The following RGS6 variants were observed in gnomAD, a reference collection of about 807,000 sequenced individuals.
RGS6 encodes the protein regulator of G-protein signaling 6.
In RGS6, 30 loss-of-function variants were observed where a neutral mutation model predicts 78.5. That is an observed-to-expected ratio of 0.38 (90% CI 0.29 to 0.52). The LOEUF is 0.52. Among genes scored for constraint, RGS6 ranks in the 20% least tolerant of loss-of-function variants. RGS6 has a pLI of 0.85. For synonymous variants in RGS6, 206 were observed against 206.0 expected, an observed-to-expected ratio of 1.00 and a Z score of 0.00; for missense variants, 495 against 609.7, an observed-to-expected ratio of 0.81 and a Z score of 1.98.
At chr14:72,269,811 C>T (rs1436265918) in intron 2 of RGS6, among the ~76,000 whole-genome samples, 1 of 152,016 alleles carries the variant, frequency 6.6e-6, no homozygotes, top group Non-Finnish European at 1.5e-5. Flanking sequence ...GTGATCTGCC[C>T]ACCTTGGCCT....
chr14:72,048,376 T>G (rs2093013528), intron 2 of RGS6, among the ~76,000 whole-genome samples: 1 of 152,186 alleles, frequency 6.6e-6, no homozygotes, highest in South Asian at 2.1e-4. Context: ...CTGCCAAAGG[T>G]GAATCTATGC....
At chr14:72,484,473 T>G (rs2096449959) in intron 12 of RGS6, among the ~76,000 whole-genome samples, 1 of 152,198 alleles carries the variant, frequency 6.6e-6, no homozygotes, top group African/African-American at 2.4e-5. Flanking sequence ...TAGGCATTGC[T>G]TAACTCAGGA....
intron 2 of RGS6, among the ~76,000 whole-genome samples, chr14:72,041,145 T>C (rs2092364723): frequency 6.6e-6 from 1 of 152,178 alleles, no homozygotes; most frequent in African/African-American, 2.4e-5. Context: ...ATTCTTCATA[T>C]GCATTGATTT....
intron 2 of RGS6, among the ~76,000 whole-genome samples, chr14:71,977,762 A>G (rs1319153514): frequency 6.6e-6 from 1 of 151,752 alleles, no homozygotes; most frequent in Non-Finnish European, 1.5e-5. Context: ...TTTTGGTTCC[A>G]TATGAACTTT....
At chr14:71,925,857 T>A in the RGS6 span, among the ~76,000 whole-genome samples, 10 of 152,048 alleles carry the variant, frequency 6.6e-5, no homozygotes, top group Non-Finnish European at 1.3e-4. Flanking sequence ...CAATTGCATT[T>A]CATTATACCA....
intron 13 of RGS6, among the ~76,000 whole-genome samples, chr14:72,504,921 ATTTTT>A (rs34953560): frequency 3.9e-5 from 3 of 76,076 alleles, no homozygotes; most frequent in Admixed American, 1.8e-4. Flanking sequence ...CGCCCAGCTA[ATTTTT>A]TTTTTTTTTT....
At chr14:71,868,556 G>A in the RGS6 span, among the ~76,000 whole-genome samples, 2 of 152,188 alleles carry the variant, frequency 1.3e-5, no homozygotes, top group Non-Finnish European at 2.9e-5. Context: ...GTGAAGGCTT[G>A]ATAGGACATG....
At chr14:72,439,104 T>C (rs2153197019) in intron 3 of RGS6, among the ~76,000 whole-genome samples, 1 of 152,356 alleles carries the variant, frequency 6.6e-6, no homozygotes, top group South Asian at 2.1e-4. Context: ...ATCTCAGTAG[T>C]CCCCAGTGAT....
At chr14:72,255,798 T>C (rs1358449875) in intron 2 of RGS6, among the ~76,000 whole-genome samples, 1 of 152,234 alleles carries the variant, frequency 6.6e-6, no homozygotes, top group Non-Finnish European at 1.5e-5. Flanking sequence ...TTTCACATTT[T>C]TTATCACTTC....
intron 3 of RGS6, among the ~76,000 whole-genome samples, chr14:72,425,440 G>A (rs2094395206): frequency 6.6e-6 from 1 of 152,176 alleles, no homozygotes; most frequent in Non-Finnish European, 1.5e-5. Context: ...CAGCCGGCCA[G>A]AAGGGGAAAA....
chr14:72,021,457 T>C (rs1033898808), intron 2 of RGS6, among the ~76,000 whole-genome samples: 5 of 150,348 alleles, frequency 3.3e-5, no homozygotes, highest in Admixed American at 6.7e-5. Context: ...TTTTTTCCTT[T>C]TTCTAACTTT....
At chr14:71,981,176 A>G (rs895061880) in intron 2 of RGS6, among the ~76,000 whole-genome samples, 25 of 149,116 alleles carry the variant, frequency 1.7e-4, no homozygotes, top group African/African-American at 1.2e-4. Flanking sequence ...AATTTTTTTC[A>G]AAGTTTTCAA....
chr14:72,397,098 T>G (rs2091485190), intron 3 of RGS6, among the ~76,000 whole-genome samples: 1 of 152,244 alleles, frequency 6.6e-6, no homozygotes, highest in Non-Finnish European at 1.5e-5. Context: ...CATTGGTAGC[T>G]TGATGGGGAT....
At chr14:72,353,097 G>A (rs971174210) in intron 3 of RGS6, among the ~76,000 whole-genome samples, 1 of 152,150 alleles carries the variant, frequency 6.6e-6, no homozygotes, top group Non-Finnish European at 1.5e-5. Context: ...TTGGTGATAC[G>A]AATGGAAAAT....
intron 2 of RGS6, among the ~76,000 whole-genome samples, chr14:72,165,725 C>T (rs2153670282): frequency 6.6e-6 from 1 of 152,270 alleles, no homozygotes; most frequent in South Asian, 2.1e-4. Context: ...GACCAGGCAA[C>T]CAAACACTAA....
rs552507819 is a variant in RGS6 at position 71,976,507 on chromosome 14, C to T, written c.84+11632C>T. Among the ~76,000 whole-genome samples, 47 of 149,386 alleles carry T rather than the reference C, an allele frequency of 3.1e-4. No homozygotes were observed. In the South Asian group the frequency reaches 3.2e-3, roughly 10 times the overall value. On this transcript the variant is annotated intron_variant, in intron 2 of 17. Coordinates refer to ENST00000553525, the MANE Select transcript of RGS6 (RefSeq NM_001204424.2). ...GTTCCCACCTATGAGTGAGAATATGCGGTGTTTGGTTTTTTGTTCTTGCGA... is the reference window on the plus strand; with the variant it reads ...GTTCCCACCTATGAGTGAGAATATGTGGTGTTTGGTTTTTTGTTCTTGCGA...
Position 72,564,349 on chromosome 14 carries a change from G to C in RGS6, c.*1882G>C, listed in dbSNP as rs2097700156. 1 of 152,244 alleles carries C rather than the reference G, an allele frequency of 6.6e-6. No homozygotes were observed. The highest frequency in any genetic ancestry group is 6.5e-5 in the Admixed American group (1 of 15,288). The allele number at this position is 152,244 out of a possible 1,614,324, so 9.4% of individuals were successfully genotyped here. A position where few individuals can be genotyped will look rare whatever the true frequency, so the allele number is the denominator to read the frequency against. On this transcript the variant is annotated 3_prime_UTR_variant, in exon 18 of 18. Coordinates refer to ENST00000553525, the MANE Select transcript of RGS6 (RefSeq NM_001204424.2). ...GACACCTGCACATGCTCAGCACAGA[G>C]GCTGGTACTTTGGAGGCACTAACCA...
At chr14:72,621,652 G>A in the RGS6 span, among the ~76,000 whole-genome samples, 8 of 152,188 alleles carry the variant, frequency 5.3e-5, no homozygotes, top group African/African-American at 1.9e-4. Flanking sequence ...TACCCAGTGG[G>A]GGAGAGGTTC....
chr14:72,023,171 A>T (rs1596241969), intron 2 of RGS6, among the ~76,000 whole-genome samples: 1 of 152,214 alleles, frequency 6.6e-6, no homozygotes, highest in Non-Finnish European at 1.5e-5. Context: ...AAGCTTACAT[A>T]TCCAAAATGA....
Sources: gnomAD v4.1 joint callset for allele counts (sites outside exome capture counted in the v4.1 genomes callset) on GRCh38, gnomAD v4.1.1 for gene constraint, MANE v1.5 for transcripts, NCBI Gene and HGNC (gene_info 2026-07-23, HGNC 2026-07-21) for gene names.